The following TBCK variants were observed in gnomAD, a reference collection of about 807,000 sequenced individuals.
TBCK encodes the protein TBC domain-containing protein kinase-like protein.
A neutral mutation model predicts 113.4 loss-of-function variants in TBCK; 99 were observed. The observed-to-expected ratio is 0.87, with a 90% confidence interval of 0.74 to 1.03. TBCK has a LOEUF of 1.03. Ranked by LOEUF, TBCK falls within the 50% of genes least tolerant of loss-of-function variation. The probability of loss-of-function intolerance (pLI) is 0.00; values close to 1 mark genes in which losing one functional copy is unlikely to be tolerated. For synonymous variants in TBCK, 369 were observed against 370.8 expected, an observed-to-expected ratio of 1.00 and a Z score of 0.05; for missense variants, 1,045 against 1,061.3, an observed-to-expected ratio of 0.98 and a Z score of 0.21.
At chr4:106,109,781 A>G (rs191933519) in intron 24 of TBCK, among the ~76,000 whole-genome samples, 3 of 152,218 alleles carry the variant, frequency 2.0e-5, no homozygotes, top group Non-Finnish European at 4.4e-5. Context: ...AATGGGGCCT[A>G]ATTAAACTTA....
upstream of TBCK, chr4:106,316,218 C>A (rs549824227): frequency 4.0e-6 from 1 of 250,568 alleles, no homozygotes; most frequent in East Asian, 8.5e-5. Context: ...CTACCCTCCC[C>A]TCAGCCTGGC....
At chr4:106,110,100 T>A (rs1422007198) in intron 24 of TBCK, among the ~76,000 whole-genome samples, 5 of 152,226 alleles carry the variant, frequency 3.3e-5, no homozygotes, top group Non-Finnish European at 7.3e-5. Context: ...ACCATGTTAA[T>A]TACCCACAAG....
rs571884661 is a variant in TBCK at position 106,137,233 on chromosome 4, GA to G, written c.2236-20856del. On this transcript the variant is annotated intron_variant, in intron 23 of 25. Coordinates refer to ENST00000394708, the MANE Select transcript of TBCK (RefSeq NM_001163435.3). ...AAGGATAAACAATTTAAAGAAAAAA[GA>G]AAAAAAATTGACAAATATCTCAATT... 2.2e-4 allele frequency among the ~76,000 whole-genome samples: 30 copies of G among 139,322 alleles called. 4 individuals carry two copies. The highest frequency in any genetic ancestry group is 4.9e-4 in the Admixed American group (7 of 14,170). 91.4% of individuals were successfully genotyped at this position (139,322 alleles called of 152,430 possible).
Position 106,067,016 on chromosome 4 carries a change from T to C in TBCK, c.2572-20336A>G, listed in dbSNP as rs1736727280. The stretch of plus-strand genomic sequence containing the variant: ...GTTTGAGTCCCTGTTTTCAATTCTT[T>C]TTGGTAAGCATCTAGCAGTCAAATT... On this transcript the variant is annotated intron_variant, in intron 25 of 25. Coordinates refer to ENST00000394708, the MANE Select transcript of TBCK (RefSeq NM_001163435.3). Among the ~76,000 whole-genome samples the C allele has an allele frequency of 2.0e-5, 3 of 152,148 alleles. No individual in the cohort carries two copies. The South Asian group carries it at 6.2e-4, about 31-fold the overall frequency.
At chr4:106,206,135 G>T (rs953971554) in intron 20 of TBCK, among the ~76,000 whole-genome samples, 1 of 152,088 alleles carries the variant, frequency 6.6e-6, no homozygotes, top group African/African-American at 2.4e-5. Context: ...AGAATATAAA[G>T]GGGTTCTGAG....
chr4:106,194,627 T>G, intron 21 of TBCK, 91 bp downstream of exon 21: 1 of 994,948 alleles, frequency 1.0e-6, no homozygotes, highest in Non-Finnish European at 1.5e-6. Flanking sequence ...CTAAATCTGC[T>G]CAATGTTATT....
At chr4:106,047,575 G>C (rs1237451180) in intron 25 of TBCK, among the ~76,000 whole-genome samples, 2 of 152,106 alleles carry the variant, frequency 1.3e-5, no homozygotes, top group Non-Finnish European at 2.9e-5. Context: ...TAGAAGCTAA[G>C]TTGCCATTAG....
At chr4:106,161,344 G>A (rs558146977) in intron 23 of TBCK, among the ~76,000 whole-genome samples, 6 of 152,154 alleles carry the variant, frequency 3.9e-5, no homozygotes, top group South Asian at 2.1e-4. Context: ...TAGAATTCAC[G>A]GAGAACAAGC....
intron 23 of TBCK, among the ~76,000 whole-genome samples, chr4:106,131,189 G>A (rs994024742): frequency 6.6e-6 from 1 of 152,216 alleles, no homozygotes; most frequent in Non-Finnish European, 1.5e-5. Context: ...TGTAAGATAT[G>A]ACTTTGCTCC....
At chr4:106,058,856 G>C (rs533538941) in intron 25 of TBCK, among the ~76,000 whole-genome samples, 5 of 151,722 alleles carry the variant, frequency 3.3e-5, no homozygotes, top group Non-Finnish European at 5.9e-5. Flanking sequence ...GGGATGGGAA[G>C]TTGCAGGCAG....
At position 106,262,093 on chromosome 4, in the gene TBCK, A is replaced by G. The variant is rs1162458671; in HGVS notation, c.381+5T>C. On this transcript the variant is annotated splice_donor_5th_base_variant and intron_variant, in intron 4 of 25. Transcript: ENST00000394708. ...TAAATATTTATTACATGATTTAACA[A>G]TTACCTTTCGGTCCAACAGGATATT... The G allele has an allele frequency of 1.3e-6, 2 of 1,489,998 alleles. No homozygotes were observed. Among genetic ancestry groups the G allele is most frequent in the South Asian group, 1.3e-5 (1 of 78,528 alleles). The allele number at this position is 1,489,998 out of a possible 1,614,324, so 92.3% of individuals were successfully genotyped here.
intron 23 of TBCK, among the ~76,000 whole-genome samples, chr4:106,132,707 C>T (rs888187860): frequency 6.6e-6 from 1 of 152,200 alleles, no homozygotes; most frequent in Non-Finnish European, 1.5e-5. Flanking sequence ...GGGCTGTACC[C>T]TACAATGCCA....
chr4:106,184,010 A>G (rs1046285152), intron 22 of TBCK, among the ~76,000 whole-genome samples: 12 of 152,186 alleles, frequency 7.9e-5, no homozygotes, highest in East Asian at 5.8e-4. Flanking sequence ...AGAGCATTAT[A>G]ATTCTCCCTA....
intron 3 of TBCK, among the ~76,000 whole-genome samples, chr4:106,286,656 T>G (rs1378969996): frequency 6.6e-6 from 1 of 152,048 alleles, no homozygotes; most frequent in Non-Finnish European, 1.5e-5. Flanking sequence ...ATGAGACCCC[T>G]GTATATACAA....
At chr4:106,123,394 C>T (rs1451266704) in intron 23 of TBCK, among the ~76,000 whole-genome samples, 1 of 152,162 alleles carries the variant, frequency 6.6e-6, no homozygotes, top group African/African-American at 2.4e-5. Flanking sequence ...AATGGAAGAA[C>T]ATTTCATGCT....
chr4:106,086,098 A>G (rs1168600777), intron 25 of TBCK, among the ~76,000 whole-genome samples: 1 of 152,126 alleles, frequency 6.6e-6, no homozygotes, highest in African/African-American at 2.4e-5. Context: ...AACTAAAAGA[A>G]GAATTGAAGG....
intron 23 of TBCK, among the ~76,000 whole-genome samples, chr4:106,160,023 G>A (rs1342471618): frequency 9.9e-5 from 15 of 151,980 alleles, no homozygotes; most frequent in Admixed American, 9.8e-4. Context: ...ATTCAGTGGG[G>A]TAAAGAACAG....
intron 2 of TBCK, among the ~76,000 whole-genome samples, chr4:106,295,875 C>T (rs995422704): frequency 6.6e-6 from 1 of 151,936 alleles, no homozygotes; most frequent in African/African-American, 2.4e-5. Context: ...TATTTCTAGG[C>T]TACATGGTTC....
At chr4:106,157,233 CTT>C (rs1486376463) in intron 23 of TBCK, among the ~76,000 whole-genome samples, 1 of 152,098 alleles carries the variant, frequency 6.6e-6, no homozygotes, top group Non-Finnish European at 1.5e-5. Flanking sequence ...ACAGAGACCT[CTT>C]TATTCTTCTC....
Sources: gnomAD v4.1 joint callset for allele counts (sites outside exome capture counted in the v4.1 genomes callset) on GRCh38, gnomAD v4.1.1 for gene constraint, MANE v1.5 for transcripts, NCBI Gene and HGNC (gene_info 2026-07-23, HGNC 2026-07-21) for gene names.